The following EPHA3 variants were observed in gnomAD, a reference collection of about 807,000 sequenced individuals.
EPHA3 encodes the protein EPH receptor A3, also known as ephrin type-A receptor 3.
Under a neutral mutation model 107.1 loss-of-function variants are expected in EPHA3, and 42 were observed. The observed-to-expected ratio is 0.39, with a 90% CI of 0.31 to 0.51. The LOEUF is 0.51. Ranked by LOEUF, EPHA3 falls within the 20% of genes least tolerant of loss-of-function variation. The pLI, the probability that EPHA3 is intolerant of heterozygous loss-of-function variation, is 0.78. For missense variants in EPHA3, 1,183 were observed against 1,211.2 expected, an observed-to-expected ratio of 0.98 and a Z score of 0.35; for synonymous variants, 461 against 424.8, an observed-to-expected ratio of 1.09 and a Z score of -1.05.
chr3:89,185,831 A>G (rs1705550766), intron 2 of EPHA3, among the ~76,000 whole-genome samples: 1 of 152,096 alleles, frequency 6.6e-6, no homozygotes, highest in South Asian at 2.1e-4. Context: ...GGGACAAGCA[A>G]CAGGATTTAG....
At chr3:89,331,936 C>A (rs1707298320) in intron 3 of EPHA3, among the ~76,000 whole-genome samples, 1 of 152,130 alleles carries the variant, frequency 6.6e-6, no homozygotes, top group African/African-American at 2.4e-5. Flanking sequence ...CAAAACACTT[C>A]AGAAAAGCTT....
intron 1 of EPHA3, among the ~76,000 whole-genome samples, chr3:89,114,472 T>TA (rs956008012): frequency 1.3e-5 from 2 of 152,086 alleles, no homozygotes; most frequent in Non-Finnish European, 2.9e-5. Context: ...GATGAGATCA[T>TA]AAAAAAACAT....
chr3:89,334,348 C>T lies in EPHA3; in HGVS notation c.815-6568C>T, dbSNP rs74606649. 3.5e-3 allele frequency among the ~76,000 whole-genome samples: 538 copies of T among 152,246 alleles called. 1 individual carries two copies. The highest frequency in any genetic ancestry group is 0.013 in the African/African-American group (522 of 41,550). ...AGAATTTCATTTCCTTGTTCTGTTGCCATATGGCATTTTATAATTTCAATG... is the reference window on the plus strand; with the variant it reads ...AGAATTTCATTTCCTTGTTCTGTTGTCATATGGCATTTTATAATTTCAATG... On this transcript the variant is annotated intron_variant, in intron 3 of 16. Transcript: ENST00000336596.
chr3:89,140,038 T>C (rs1704396310), intron 2 of EPHA3, among the ~76,000 whole-genome samples: 1 of 151,750 alleles, frequency 6.6e-6, no homozygotes, highest in African/African-American at 2.4e-5. Context: ...TCAGGTTGTA[T>C]AGGATTATTA....
At chr3:89,114,196 C>T (rs1707193806) in intron 1 of EPHA3, among the ~76,000 whole-genome samples, 1 of 152,190 alleles carries the variant, frequency 6.6e-6, no homozygotes, top group African/African-American at 2.4e-5. Flanking sequence ...TTCTTCTTCG[C>T]CTTACACTTT....
At chr3:89,110,054 T>C (rs1707064621) in intron 1 of EPHA3, among the ~76,000 whole-genome samples, 2 of 152,022 alleles carry the variant, frequency 1.3e-5, no homozygotes, top group South Asian at 4.1e-4. Flanking sequence ...TTTCTAACAA[T>C]GTAATTTAAA....
chr3:89,431,403 C>A, intron 13 of EPHA3, 44 bp downstream of exon 13: 2 of 1,527,098 alleles, frequency 1.3e-6, no homozygotes, highest in Non-Finnish European at 9.0e-7. Flanking sequence ...TGTTTTCCAT[C>A]TTGTATCATG....
At chr3:89,189,078 C>A (rs1472664118) in intron 2 of EPHA3, among the ~76,000 whole-genome samples, 1 of 152,016 alleles carries the variant, frequency 6.6e-6, no homozygotes, top group African/African-American at 2.4e-5. Context: ...TAAATGGATT[C>A]CAGTTTATGT....
chr3:89,243,236 G>A (rs1401380169), intron 3 of EPHA3, among the ~76,000 whole-genome samples: 1 of 152,070 alleles, frequency 6.6e-6, no homozygotes, highest in Non-Finnish European at 1.5e-5. Context: ...TTTCTTTATA[G>A]CAGCATGATA....
chr3:89,385,210 T>A (rs1018044517), intron 5 of EPHA3, among the ~76,000 whole-genome samples: 2 of 152,240 alleles, frequency 1.3e-5, no homozygotes, highest in Admixed American at 6.5e-5. Flanking sequence ...ATTTTAGAGA[T>A]AATCAACTTC....
chr3:89,117,601 G>A (rs1707286371), intron 1 of EPHA3, among the ~76,000 whole-genome samples: 4 of 151,920 alleles, frequency 2.6e-5, no homozygotes, highest in African/African-American at 7.3e-5. Context: ...AGCACTGTGT[G>A]GTGTGTTATA....
intron 3 of EPHA3, among the ~76,000 whole-genome samples, chr3:89,329,341 AG>A (rs1707240693): frequency 6.6e-6 from 1 of 151,996 alleles, no homozygotes. Context: ...GCCAAGTCTG[AG>A]GTTATGTGAC....
At chr3:89,166,062 C>G (rs1022805968) in intron 2 of EPHA3, among the ~76,000 whole-genome samples, 31 of 152,122 alleles carry the variant, frequency 2.0e-4, no homozygotes, top group Non-Finnish European at 4.0e-4. Flanking sequence ...ATTAAAACCC[C>G]GGTGATCTAA....
At position 89,210,369 on chromosome 3, in the gene EPHA3, G is replaced by C; in HGVS notation, c.663G>C (p.Gln221His). ...CAGACACGGTACCCATGGACTCCCA[G>C]TCCCTGGTGGAGGTTAGAGGGTCTT... ...MFPDTVPMDS[Q>H]SLVEVRGSCV... The change falls in exon 3 of 17, where the codon CAG becomes CAC. Residue 221 changes from glutamine (Q) to histidine (H), a missense_variant. Gln to His is a conservative substitution (Grantham distance 24, BLOSUM62 0). Transcript: ENST00000336596. 1 of 1,613,844 alleles carries C rather than the reference G, an allele frequency of 6.2e-7. No individual in the cohort carries two copies. Among genetic ancestry groups the C allele is most frequent in the Non-Finnish European group, 8.5e-7 (1 of 1,179,876 alleles).
In EPHA3 at chr3:89,277,475, T is replaced by A. The variant is rs189767268; in HGVS notation, c.815-63441T>A. 1.1e-4 allele frequency among the ~76,000 whole-genome samples: 17 copies of A among 152,258 alleles called. No individual in the cohort carries two copies. In the East Asian group the frequency reaches 1.5e-3, roughly 14 times the overall value. On this transcript the variant is annotated intron_variant, in intron 3 of 16. Coordinates refer to ENST00000336596, the MANE Select transcript of EPHA3 (RefSeq NM_005233.6). ...AAATTGGCAATTCAAAGATAAATCT[T>A]CTCCACAAAACTTTAGTTCAGAACT...
intron 11 of EPHA3, 99 bp downstream of exon 11, chr3:89,419,489 G>GT: frequency 9.5e-7 from 1 of 1,053,444 alleles, no homozygotes; most frequent in Non-Finnish European, 1.3e-6. Flanking sequence ...TTTTTCATAA[G>GT]TATCTCAGTT....
intron 11 of EPHA3, among the ~76,000 whole-genome samples, chr3:89,425,983 A>C (rs535483807): frequency 4.0e-5 from 6 of 151,564 alleles, no homozygotes; most frequent in Non-Finnish European, 8.9e-5. Flanking sequence ...TTTTATCTAA[A>C]CTCATAAATC....
chr3:89,311,446 G>A (rs1397155359), intron 3 of EPHA3, among the ~76,000 whole-genome samples: 1 of 151,890 alleles, frequency 6.6e-6, no homozygotes, highest in African/African-American at 2.4e-5. Flanking sequence ...AAAAGGTGGT[G>A]GTGTGATTTG....
chr3:89,441,181 G>A (rs963214837), intron 13 of EPHA3, among the ~76,000 whole-genome samples: 1 of 152,140 alleles, frequency 6.6e-6, no homozygotes, highest in Non-Finnish European at 1.5e-5. Context: ...GAATCCAAAT[G>A]GAGCAAATGA....
Sources: gnomAD v4.1 joint callset for allele counts (sites outside exome capture counted in the v4.1 genomes callset) on GRCh38, gnomAD v4.1.1 for gene constraint, MANE v1.5 for transcripts, NCBI Gene and HGNC (gene_info 2026-07-23, HGNC 2026-07-21) for gene names.